NCOA7: variants seen among roughly 807,000 people sequenced by gnomAD.
NCOA7 encodes nuclear receptor coactivator 7.
A neutral mutation model predicts 104.3 loss-of-function variants in NCOA7; 45 were observed. The ratio of observed to expected loss-of-function variants is 0.43; its 90% CI spans 0.34 to 0.55. NCOA7 has a LOEUF of 0.55. Ranked by LOEUF, NCOA7 falls within the 20% of genes least tolerant of loss-of-function variation. NCOA7 has a pLI of 0.02. For missense variants in NCOA7, 1,041 were observed against 1,119.7 expected (o/e 0.93, Z 1.00); for synonymous variants, 398 against 402.3 (o/e 0.99, Z 0.13).
intron 1 of NCOA7, among the ~76,000 whole-genome samples, chr6:125,801,894 A>C (rs1306444409): frequency 6.6e-6 from 1 of 152,206 alleles, no homozygotes; most frequent in Non-Finnish European, 1.5e-5. Context: ...TAACTTCAAC[A>C]TATCTTTTTT....
intron 4 of NCOA7, among the ~76,000 whole-genome samples, chr6:125,877,184 A>C (rs1444922604): frequency 1.3e-5 from 2 of 152,194 alleles, no homozygotes; most frequent in African/African-American, 2.4e-5. Flanking sequence ...GGCTGTTTCA[A>C]TGTAATCTGT....
intron 13 of NCOA7, among the ~76,000 whole-genome samples, chr6:125,927,281 A>G (rs1788115466): frequency 6.6e-6 from 1 of 152,216 alleles, no homozygotes; most frequent in Admixed American, 6.5e-5. Flanking sequence ...CCAAGCACTC[A>G]TTTCTGTGAG....
chr6:125,913,597 C>T, intron 10 of NCOA7: 2 of 916,068 alleles, frequency 2.2e-6, no homozygotes, highest in African/African-American at 1.8e-5. Flanking sequence ...GGTAACATGT[C>T]ATATACACTG....
upstream of NCOA7, among the ~76,000 whole-genome samples, chr6:125,788,570 T>C (rs1259979784): frequency 1.3e-5 from 2 of 150,788 alleles, no homozygotes; most frequent in African/African-American, 4.9e-5. Context: ...GGAGTTTCGC[T>C]CTGTCACCAG....
intron 12 of NCOA7, 98 bp downstream of exon 12, chr6:125,921,166 T>C: frequency 6.9e-7 from 1 of 1,456,944 alleles, no homozygotes; most frequent in Non-Finnish European, 9.2e-7. Flanking sequence ...TCCTCACACT[T>C]TGGGAGGCCA....
At chr6:125,903,112 T>C (rs1281877822) in intron 10 of NCOA7, among the ~76,000 whole-genome samples, 1 of 152,228 alleles carries the variant, frequency 6.6e-6, no homozygotes, top group African/African-American at 2.4e-5. Context: ...AATTTGAATA[T>C]GGTGTCTCCT....
chr6:125,802,124 G>A (rs1775951489), intron 1 of NCOA7, among the ~76,000 whole-genome samples: 1 of 152,078 alleles, frequency 6.6e-6, no homozygotes, highest in East Asian at 1.9e-4. Flanking sequence ...TCAGGCCTTG[G>A]TAGAATTATT....
chr6:125,861,023 A>T (rs1194380360), intron 3 of NCOA7, among the ~76,000 whole-genome samples: 2 of 152,250 alleles, frequency 1.3e-5, no homozygotes. Context: ...TGATTATCGT[A>T]GTCAAAGATT....
chr6:125,892,300 C>T (rs1784679943), intron 10 of NCOA7, among the ~76,000 whole-genome samples: 1 of 152,052 alleles, frequency 6.6e-6, no homozygotes, highest in African/African-American at 2.4e-5. Context: ...TGAAGCAATC[C>T]CACACATGTA....
At chr6:125,886,814 G>A (rs978703239) in intron 8 of NCOA7, among the ~76,000 whole-genome samples, 4 of 152,188 alleles carry the variant, frequency 2.6e-5, no homozygotes, top group East Asian at 1.9e-4. Flanking sequence ...CAGTGGCAAC[G>A]TGCAATAGTT....
chr6:125,928,119 T>C (rs1788196525), intron 14 of NCOA7, 55 bp from the exon 15 acceptor site: 3 of 1,453,596 alleles, frequency 2.1e-6, no homozygotes, highest in African/African-American at 2.8e-5. Flanking sequence ...TATTTCCTCA[T>C]TGCTAATTCT....
At chr6:125,844,663 A>G (rs1780443093) in intron 2 of NCOA7, among the ~76,000 whole-genome samples, 2 of 152,222 alleles carry the variant, frequency 1.3e-5, no homozygotes, top group Admixed American at 1.3e-4. Context: ...TCTAGAAATA[A>G]TAAGTGGCTT....
intron 2 of NCOA7, among the ~76,000 whole-genome samples, chr6:125,840,867 G>GTTTTTTTTTTTTTTTTT (rs1305583308): frequency 5.9e-5 from 3 of 50,658 alleles, no homozygotes; most frequent in Non-Finnish European, 3.8e-5. Context: ...TTGTTTGGTT[G>GTTTTTTTTTTTTTTTTT]GTTTTTTTTT....
intron 3 of NCOA7, among the ~76,000 whole-genome samples, chr6:125,872,999 T>A (rs1161355938): frequency 6.6e-6 from 1 of 152,222 alleles, no homozygotes; most frequent in Non-Finnish European, 1.5e-5. Context: ...TTTTTCCTCG[T>A]AGCTTTAATT....
intron 10 of NCOA7, among the ~76,000 whole-genome samples, chr6:125,906,084 T>C (rs1324084464): frequency 6.6e-6 from 1 of 152,104 alleles, no homozygotes; most frequent in Non-Finnish European, 1.5e-5. Flanking sequence ...ATTACAAGCA[T>C]GGAATTTATG....
chr6:125,931,464 C>A lies in NCOA7; in HGVS notation c.*2693C>A, dbSNP rs1788461859. On this transcript the variant is annotated 3_prime_UTR_variant, in exon 16 of 16. Transcript: ENST00000392477. ...CTCTCTGATAAATTTTCTTTGGCAT[C>A]CTGACACCTAGCCCCTAGATGTTGG... The A allele has an allele frequency of 1.3e-5, 2 of 152,164 alleles. No individual in the cohort carries two copies. The highest frequency in any genetic ancestry group is 4.8e-5 in the African/African-American group (2 of 41,420). The allele number at this position is 152,164 out of a possible 1,614,324, so 9.4% of individuals were successfully genotyped here. A position where few individuals can be genotyped will look rare whatever the true frequency, so the allele number is the denominator to read the frequency against.
chr6:125,919,310 A>C, intron 11 of NCOA7: 1 of 1,612,768 alleles, frequency 6.2e-7, no homozygotes, highest in Non-Finnish European at 8.5e-7. Flanking sequence ...AGTAGAGAGA[A>C]AACTTGTTCC....
At chr6:125,877,464 C>T (rs1422044492) in intron 4 of NCOA7, among the ~76,000 whole-genome samples, 1 of 152,212 alleles carries the variant, frequency 6.6e-6, no homozygotes, top group African/African-American at 2.4e-5. Context: ...GCAAGTCTAT[C>T]TGGCAGCTCT....
chr6:125,918,361 C>T (rs750129079), intron 11 of NCOA7, among the ~76,000 whole-genome samples: 43 of 152,330 alleles, frequency 2.8e-4, no homozygotes, highest in Admixed American at 1.8e-3. Flanking sequence ...TGTTGTCTTG[C>T]TGGCATTCTG....
Sources: allele counts gnomAD v4.1 joint callset (sites outside exome capture counted in the v4.1 genomes callset), GRCh38; gene constraint gnomAD v4.1.1; transcripts MANE v1.5; gene names NCBI Gene and HGNC (gene_info 2026-07-23, HGNC 2026-07-21).